The following PARN variants were observed in gnomAD, a reference collection of about 807,000 sequenced individuals.
PARN encodes the protein poly(A)-specific ribonuclease.
Under a neutral mutation model 102.8 loss-of-function variants are expected in PARN, and 71 were observed. That is an observed-to-expected ratio of 0.69 (90% CI 0.57 to 0.84). PARN has a LOEUF of 0.84. Among genes scored for constraint, PARN ranks in the 40% least tolerant of loss-of-function variants. The probability of loss-of-function intolerance (pLI) is 0.00; values close to 1 mark genes in which losing one functional copy is unlikely to be tolerated. For missense variants in PARN, 782 were observed against 760.9 expected (o/e 1.03, Z -0.33); for synonymous variants, 261 against 252.9 (o/e 1.03, Z -0.30).
In PARN at chr16:14,600,250, A is replaced by G. The variant is rs114805457; in HGVS notation, c.784-290T>C. ...TTCACCGACTTCTTTAAAATTTCCA[A>G]GTCTTTCAAGGTGTCTTAAAAACAG... On this transcript the variant is annotated intron_variant, in intron 11 of 23. Transcript: ENST00000437198. Among the ~76,000 whole-genome samples the G allele has an allele frequency of 4.8e-3, 724 of 152,348 alleles. 9 individuals carry two copies. Among genetic ancestry groups the G allele is most frequent in the African/African-American group, 0.016 (685 of 41,582 alleles).
chr16:14,559,020 AAAATAT>A (rs1967880465), intron 18 of PARN, among the ~76,000 whole-genome samples: 1 of 152,064 alleles, frequency 6.6e-6, no homozygotes, highest in African/African-American at 2.4e-5. Context: ...GGGAGGGAGA[AAAATAT>A]AAATATAAAA....
rs189638576 is a variant in PARN at position 14,627,387 on chromosome 16, T to C, written c.178-51A>G. 128 of 1,309,762 alleles carry C rather than the reference T, an allele frequency of 9.8e-5. No homozygotes were observed. The African/African-American group carries it at 1.7e-3, about 18-fold the overall frequency. 81.1% of individuals were successfully genotyped at this position (1,309,762 alleles called of 1,614,324 possible). ...TCACAAAAGTGCTGCATATTCCATG[T>C]GAGCATAGCATTCTCAAACAGGTGG... On this transcript the variant is annotated intron_variant, in intron 3 of 23. Coordinates refer to ENST00000437198, the MANE Select transcript of PARN (RefSeq NM_002582.4).
chr16:14,485,982 C>T (rs1963664130), intron 21 of PARN, among the ~76,000 whole-genome samples: 1 of 152,260 alleles, frequency 6.6e-6, no homozygotes, highest in Non-Finnish European at 1.5e-5. Flanking sequence ...GCCACCGTGC[C>T]TGGCCTGGCT....
At chr16:14,474,024 A>G (rs1195434640) in intron 22 of PARN, among the ~76,000 whole-genome samples, 1 of 151,932 alleles carries the variant, frequency 6.6e-6, no homozygotes, top group East Asian at 1.9e-4. Context: ...TCTGAGTCTC[A>G]TTTTGTCACC....
intron 21 of PARN, among the ~76,000 whole-genome samples, chr16:14,518,994 C>T (rs894924144): frequency 1.3e-5 from 2 of 151,828 alleles, no homozygotes; most frequent in Admixed American, 6.6e-5. Context: ...AAGCCATCCT[C>T]GATTATTAAA....
chr16:14,451,795 G>A (rs1160591579), intron 22 of PARN, among the ~76,000 whole-genome samples: 1 of 130,900 alleles, frequency 7.6e-6, no homozygotes, highest in Non-Finnish European at 1.6e-5. Context: ...GATTGCTTGA[G>A]CCCAGGAGTT....
chr16:14,493,215 A>G (rs1964145727), intron 21 of PARN, among the ~76,000 whole-genome samples: 1 of 152,034 alleles, frequency 6.6e-6, no homozygotes, highest in African/African-American at 2.4e-5. Flanking sequence ...TCATTCATTT[A>G]TTATTTATTT....
In PARN at chr16:14,489,437, C is replaced by CAA. The variant is rs770783306; in HGVS notation, c.1481-6612_1481-6611dup. Among the ~76,000 whole-genome samples, 308 of 58,806 alleles carry CAA rather than the reference C, an allele frequency of 5.2e-3. 4 individuals carry two copies. The highest frequency in any genetic ancestry group is 7.9e-3 in the Middle Eastern group (1 of 126). 38.6% of individuals were successfully genotyped at this position (58,806 alleles called of 152,430 possible). ...TCCAGCCTGGCGACAGAGAGAGACTCAAAAAAAAAAAAAAAAAAAAAAAAA... is the reference window on the plus strand; with the variant it reads ...TCCAGCCTGGCGACAGAGAGAGACTCAAAAAAAAAAAAAAAAAAAAAAAAAAA... On this transcript the variant is annotated intron_variant, in intron 21 of 23. Coordinates refer to ENST00000437198, the MANE Select transcript of PARN (RefSeq NM_002582.4).
chr16:14,495,584 G>A (rs1260530039), intron 21 of PARN, among the ~76,000 whole-genome samples: 1 of 152,226 alleles, frequency 6.6e-6, no homozygotes, highest in African/African-American at 2.4e-5. Context: ...TCTGTGGTGT[G>A]GGGACCACAG....
chr16:14,623,268 C>A (rs990830125), intron 5 of PARN, among the ~76,000 whole-genome samples: 7 of 152,084 alleles, frequency 4.6e-5, no homozygotes, highest in African/African-American at 1.7e-4. Context: ...GTAATCCCAG[C>A]ACTTTGGGAG....
chr16:14,531,215 A>G (rs1320223892), intron 21 of PARN, among the ~76,000 whole-genome samples: 1 of 152,128 alleles, frequency 6.6e-6, no homozygotes, highest in African/African-American at 2.4e-5. Flanking sequence ...CGTTGTGGTT[A>G]GTGCCTGTAG....
chr16:14,454,400 A>G (rs1961592918), intron 22 of PARN, among the ~76,000 whole-genome samples: 1 of 152,242 alleles, frequency 6.6e-6, no homozygotes, highest in Non-Finnish European at 1.5e-5. Context: ...GAAGAAAAGA[A>G]TATTTAATTT....
At chr16:14,475,516 T>A (rs1216011445) in intron 22 of PARN, among the ~76,000 whole-genome samples, 1 of 152,210 alleles carries the variant, frequency 6.6e-6, no homozygotes, top group African/African-American at 2.4e-5. Flanking sequence ...CGGTTAACTA[T>A]AAAATGCTTG....
intron 22 of PARN, among the ~76,000 whole-genome samples, chr16:14,455,301 G>A (rs1175306414): frequency 6.6e-6 from 1 of 152,154 alleles, no homozygotes; most frequent in Non-Finnish European, 1.5e-5. Context: ...CTTTCCTAGT[G>A]TTGAAAATAT....
At chr16:14,567,411 T>C (rs1175264263) in intron 18 of PARN, among the ~76,000 whole-genome samples, 1 of 152,186 alleles carries the variant, frequency 6.6e-6, no homozygotes, top group African/African-American at 2.4e-5. Context: ...CTGGGCTCTT[T>C]ATGATTAAAG....
At position 14,596,613 on chromosome 16, in the gene PARN, C is replaced by G. The variant is rs919042614; in HGVS notation, c.841-3235G>C. On this transcript the variant is annotated intron_variant, in intron 12 of 23. Transcript: ENST00000437198. ...ATAAAATTATCCACGTGTGGTACTG[C>G]ATGCCTGTAGTCCCAGCTGCTCAGG... Among the ~76,000 whole-genome samples the G allele has an allele frequency of 3.2e-4, 49 of 151,998 alleles. 1 individual carries two copies. The highest frequency in any genetic ancestry group is 1.1e-3 in the African/African-American group (46 of 41,458).
intron 21 of PARN, among the ~76,000 whole-genome samples, chr16:14,523,363 C>T (rs1965837988): frequency 6.6e-6 from 1 of 152,116 alleles, no homozygotes; most frequent in South Asian, 2.1e-4. Flanking sequence ...ACAAACCCTA[C>T]ACTTAACAGT....
intron 22 of PARN, among the ~76,000 whole-genome samples, chr16:14,479,096 G>A (rs1188520947): frequency 6.6e-6 from 1 of 152,140 alleles, no homozygotes; most frequent in Non-Finnish European, 1.5e-5. Flanking sequence ...CTATACAAAA[G>A]GAGCAAACGG....
In PARN at chr16:14,601,635, T is replaced by G. The variant is rs533880399; in HGVS notation, c.784-1675A>C. ...TATTTTACCACAATTAAAATTTTTT[T>G]GGGGGGGTCAGGCATGGTAGCTCAC... On this transcript the variant is annotated intron_variant, in intron 11 of 23. Transcript: ENST00000437198. Among the ~76,000 whole-genome samples the G allele has an allele frequency of 2.2e-4, 34 of 152,132 alleles. 1 individual carries two copies. The South Asian group carries it at 2.5e-3, about 11-fold the overall frequency.
Sources: gnomAD v4.1 joint callset for allele counts (sites outside exome capture counted in the v4.1 genomes callset) on GRCh38, gnomAD v4.1.1 for gene constraint, MANE v1.5 for transcripts, NCBI Gene and HGNC (gene_info 2026-07-23, HGNC 2026-07-21) for gene names.